SPPL3: variants seen among roughly 807,000 people sequenced by gnomAD.
SPPL3 encodes signal peptide peptidase-like 3.
Under a neutral mutation model 42.4 loss-of-function variants are expected in SPPL3, and 5 were observed. That is an observed-to-expected ratio of 0.12 (90% confidence interval 0.06 to 0.25). SPPL3 has a LOEUF of 0.25. SPPL3 is among the 10% of genes least tolerant of loss of function. The pLI, the probability that SPPL3 is intolerant of heterozygous loss-of-function variation, is 1.00. For synonymous variants in SPPL3, 195 were observed against 181.8 expected, an observed-to-expected ratio of 1.07 and a Z score of -0.58; for missense variants, 235 against 489.0, an observed-to-expected ratio of 0.48 and a Z score of 4.90.
intron 1 of SPPL3, among the ~76,000 whole-genome samples, chr12:120,819,909 G>A (rs754075076): frequency 2.2e-4 from 33 of 152,104 alleles, no homozygotes; most frequent in Admixed American, 2.6e-4. Flanking sequence ...AGGTGAGGGC[G>A]CACCAGAGGT....
At chr12:120,850,367 A>T (rs1872180231) in intron 1 of SPPL3, among the ~76,000 whole-genome samples, 1 of 152,106 alleles carries the variant, frequency 6.6e-6, no homozygotes, top group African/African-American at 2.4e-5. Flanking sequence ...ACAGAAGTTT[A>T]TGCCGCATTG....
At position 120,768,970 on chromosome 12, in the gene SPPL3, T is replaced by C. The variant is rs1351782034; in HGVS notation, c.592A>G (p.Ile198Val). The part of the protein sequence containing the change: ...VSCLLLSGLL[I>V]YDVFWVFFSA... ...ACGCTTACCCAAAAGACATCATAGA[T>C]GAGAAGCCCTGAGAGAAGCAGGCAG... Residue 198 changes from isoleucine to valine, a missense_variant, in exon 7 of 11, where the codon ATC becomes GTC. By Grantham distance (29) the Ile-to-Val change is conservative (BLOSUM62 3). Transcript: ENST00000353487. The C allele has an allele frequency of 1.2e-6, 2 of 1,610,556 alleles. No homozygotes were observed. The highest frequency in any genetic ancestry group is 8.5e-7 in the Non-Finnish European group (1 of 1,178,912).
At chr12:120,830,536 A>G (rs1432379335) in intron 1 of SPPL3, among the ~76,000 whole-genome samples, 1 of 1,552 alleles carries the variant, frequency 6.4e-4, no homozygotes, top group African/African-American at 2.2e-3. Context: ...GGGGGAGAGC[A>G]GAGGGGAGGG....
chr12:120,770,156 T>G (rs1461849976), intron 6 of SPPL3: 1 of 152,260 alleles, frequency 6.6e-6, no homozygotes, highest in Non-Finnish European at 1.5e-5. Context: ...CAAGCAATAC[T>G]CAGCCTCCTG....
chr12:120,789,469 A>G (rs1056140835), intron 3 of SPPL3, among the ~76,000 whole-genome samples: 2 of 150,718 alleles, frequency 1.3e-5, no homozygotes, highest in African/African-American at 2.4e-5. Context: ...AAAAGAAAAA[A>G]AGCATTTAAA....
In SPPL3 at chr12:120,903,992, G is replaced by T; in HGVS notation, c.-125C>A. 2 of 828,432 alleles carry T rather than the reference G, an allele frequency of 2.4e-6. No homozygotes were observed. Among genetic ancestry groups the T allele is most frequent in the Non-Finnish European group, 1.6e-6 (1 of 624,764 alleles). The allele number at this position is 828,432 out of a possible 1,614,324, so 51.3% of individuals were successfully genotyped here. On this transcript the variant is annotated 5_prime_UTR_variant, in exon 1 of 11. Transcript: ENST00000353487. ...TGCTTGCTTGCTCGCTCGCTGGCTC[G>T]CTGGCTGCACGGCGGGCCGGGAAGG...
intron 1 of SPPL3, among the ~76,000 whole-genome samples, chr12:120,834,781 A>G (rs1871550957): frequency 6.6e-6 from 1 of 152,204 alleles, no homozygotes; most frequent in Non-Finnish European, 1.5e-5. Context: ...ATTAACAATA[A>G]AACAAGTGTT....
chr12:120,887,275 CTTT>C (rs1873496013), intron 1 of SPPL3, among the ~76,000 whole-genome samples: 1 of 152,176 alleles, frequency 6.6e-6, no homozygotes, highest in Admixed American at 6.5e-5. Flanking sequence ...TTTAAAAAAA[CTTT>C]TTAATGTGGC....
chr12:120,779,640 G>C (rs766120033), intron 6 of SPPL3, among the ~76,000 whole-genome samples: 3 of 151,908 alleles, frequency 2.0e-5, no homozygotes, highest in Non-Finnish European at 4.4e-5. Context: ...AATTTTTTGA[G>C]ATTACAAAAG....
chr12:120,813,694 C>T (rs998526024), intron 1 of SPPL3, among the ~76,000 whole-genome samples: 5 of 151,900 alleles, frequency 3.3e-5, no homozygotes, highest in Admixed American at 1.3e-4. Flanking sequence ...ACTGGGGAGT[C>T]CATTAGGCTG....
intron 3 of SPPL3, among the ~76,000 whole-genome samples, chr12:120,789,820 G>T (rs1340501780): frequency 3.1e-5 from 2 of 63,586 alleles, no homozygotes; most frequent in African/African-American, 1.2e-4. Flanking sequence ...GCAAGACTCC[G>T]TCTCAAAAAA....
chr12:120,808,767 A>G (rs1870585516), intron 2 of SPPL3, among the ~76,000 whole-genome samples: 1 of 152,250 alleles, frequency 6.6e-6, no homozygotes, highest in African/African-American at 2.4e-5. Context: ...GATTTCAACT[A>G]TGAAAATGTA....
At chr12:120,790,553 C>G (rs2136985170) in intron 3 of SPPL3, among the ~76,000 whole-genome samples, 1 of 152,280 alleles carries the variant, frequency 6.6e-6, no homozygotes, top group South Asian at 2.1e-4. Context: ...TTCCCCTAAC[C>G]TGAAATGACG....
At chr12:120,811,027 A>G in intron 1 of SPPL3, 141 bp from the exon 2 acceptor site, 1 of 532,366 alleles carries the variant, frequency 1.9e-6, no homozygotes, top group East Asian at 3.2e-5. Context: ...GCATTAACAA[A>G]ATAACACAAT....
At chr12:120,782,148 G>A (rs1233373194) in intron 6 of SPPL3, among the ~76,000 whole-genome samples, 1 of 152,186 alleles carries the variant, frequency 6.6e-6, no homozygotes, top group Non-Finnish European at 1.5e-5. Context: ...GGGATTACAG[G>A]CATGAGCCAT....
In SPPL3 at chr12:120,784,455, C is replaced by CA; in HGVS notation, c.310+18dup. Reference sequence around the variant, plus strand: ...TTCCTTTTAGTATGTTAAGACTAGACAGAGAAACTCATATTTACCTGCTGT... The same window carrying CA: ...TTCCTTTTAGTATGTTAAGACTAGACAAGAGAAACTCATATTTACCTGCTGT... On this transcript the variant is annotated intron_variant, in intron 4 of 10. Coordinates refer to ENST00000353487, the MANE Select transcript of SPPL3 (RefSeq NM_139015.5). 6.3e-7 allele frequency: 1 copy of CA among 1,574,908 alleles called. No individual in the cohort carries two copies. The highest frequency in any genetic ancestry group is 8.6e-7 in the Non-Finnish European group (1 of 1,164,884).
intron 1 of SPPL3, chr12:120,845,626 T>G: frequency 4.6e-6 from 2 of 433,564 alleles, no homozygotes; most frequent in Middle Eastern, 3.7e-4. Flanking sequence ...AAAAGGCCCT[T>G]GAAGACGTTG....
At chr12:120,841,247 C>G (rs1200939848) in intron 1 of SPPL3, among the ~76,000 whole-genome samples, 4 of 151,970 alleles carry the variant, frequency 2.6e-5, no homozygotes, top group Non-Finnish European at 4.4e-5. Context: ...ATCGGTTGAA[C>G]CCGGGAGGCG....
chr12:120,902,682 A>G (rs983155337), intron 1 of SPPL3, among the ~76,000 whole-genome samples: 1 of 152,160 alleles, frequency 6.6e-6, no homozygotes, highest in Non-Finnish European at 1.5e-5. Context: ...CCATTCTATT[A>G]TGCTCTTTTC....
Sources: gnomAD v4.1 joint callset for allele counts (sites outside exome capture counted in the v4.1 genomes callset) on GRCh38, gnomAD v4.1.1 for gene constraint, MANE v1.5 for transcripts, NCBI Gene and HGNC (gene_info 2026-07-23, HGNC 2026-07-21) for gene names.